The following SLC22A15 variants were observed in gnomAD, a reference collection of about 807,000 sequenced individuals.
SLC22A15 encodes the protein flipt 1.
Under a neutral mutation model 62.7 loss-of-function variants are expected in SLC22A15, and 45 were observed. The ratio of observed to expected loss-of-function variants is 0.72; its 90% CI spans 0.56 to 0.92. The LOEUF (loss-of-function observed/expected upper bound fraction) is 0.92, where lower values mean the gene tolerates loss of function less well. SLC22A15 is among the 40% of genes least tolerant of loss of function. The probability of loss-of-function intolerance (pLI) is 0.00; values close to 1 mark genes in which losing one functional copy is unlikely to be tolerated. For missense variants in SLC22A15, 622 were observed against 665.6 expected (o/e 0.93, Z 0.72); for synonymous variants, 264 against 267.0 (o/e 0.99, Z 0.11).
At chr1:116,045,956 G>T (rs1171961120) in intron 8 of SLC22A15, among the ~76,000 whole-genome samples, 1 of 151,838 alleles carries the variant, frequency 6.6e-6, no homozygotes, top group Non-Finnish European at 1.5e-5. Context: ...AATGCTCATG[G>T]TCAATTAATT....
chr1:115,987,451 C>T (rs1654928373), intron 1 of SLC22A15, among the ~76,000 whole-genome samples: 1 of 151,906 alleles, frequency 6.6e-6, no homozygotes, highest in African/African-American at 2.4e-5. Flanking sequence ...GGCATGAGTC[C>T]AGCCAATGTA....
At chr1:116,034,772 C>A (rs1657571561) in intron 6 of SLC22A15, among the ~76,000 whole-genome samples, 1 of 152,158 alleles carries the variant, frequency 6.6e-6, no homozygotes, top group African/African-American at 2.4e-5. Flanking sequence ...TGGCTTTCTC[C>A]ATGGGAGTTC....
At chr1:116,020,395 T>C (rs1195490781) in intron 3 of SLC22A15, among the ~76,000 whole-genome samples, 1 of 150,772 alleles carries the variant, frequency 6.6e-6, no homozygotes, top group Non-Finnish European at 1.5e-5. Flanking sequence ...TACTAAAAAA[T>C]ACAAAAAAAA....
chr1:115,977,926 G>A (rs1654396422), intron 1 of SLC22A15, among the ~76,000 whole-genome samples: 1 of 152,146 alleles, frequency 6.6e-6, no homozygotes, highest in South Asian at 2.1e-4. Context: ...AAATGATGGA[G>A]TCAGTTCTTT....
At chr1:116,019,123 G>GTT (rs1451993864) in intron 2 of SLC22A15, among the ~76,000 whole-genome samples, 2 of 152,126 alleles carry the variant, frequency 1.3e-5, no homozygotes, top group African/African-American at 4.8e-5. Flanking sequence ...GTAATTCTGT[G>GTT]TTTAATCTTT....
chr1:116,066,329 G>A (rs1658497690), intron 10 of SLC22A15, among the ~76,000 whole-genome samples, 191 bp from the exon 11 acceptor site: 1 of 152,180 alleles, frequency 6.6e-6, no homozygotes, highest in Admixed American at 6.5e-5. Flanking sequence ...ATCTCTACAT[G>A]CCTGAGGAAT....
At chr1:116,055,162 A>T in intron 8 of SLC22A15, among the ~76,000 whole-genome samples, 1 of 150,226 alleles carries the variant, frequency 6.7e-6, no homozygotes, top group Non-Finnish European at 1.5e-5. Flanking sequence ...CGCTAGCAAG[A>T]CTAATAAAGA....
intron 8 of SLC22A15, among the ~76,000 whole-genome samples, chr1:116,039,583 C>A (rs1200409132): frequency 6.6e-6 from 1 of 151,884 alleles, no homozygotes; most frequent in Non-Finnish European, 1.5e-5. Context: ...TTTAATATTT[C>A]TACTATTTAA....
At chr1:116,054,203 G>A (rs1362564113) in intron 8 of SLC22A15, among the ~76,000 whole-genome samples, 18 of 152,046 alleles carry the variant, frequency 1.2e-4, no homozygotes, top group Non-Finnish European at 1.5e-4. Context: ...TAAAAGGATG[G>A]AGGAAGATCT....
At chr1:116,011,543 A>G (rs1035460626) in intron 2 of SLC22A15, among the ~76,000 whole-genome samples, 2 of 152,240 alleles carry the variant, frequency 1.3e-5, no homozygotes, top group African/African-American at 4.8e-5. Context: ...TAAATAATTC[A>G]GCAAATAATT....
chr1:116,012,279 G>T (rs1437799047), intron 2 of SLC22A15, among the ~76,000 whole-genome samples: 1 of 152,112 alleles, frequency 6.6e-6, no homozygotes. Context: ...GTAGAGGCTG[G>T]ATATGTGTCT....
Position 116,066,656 on chromosome 1 carries a change from A to G in SLC22A15, c.1502A>G (p.Tyr501Cys). 2 of 1,612,980 alleles carry G rather than the reference A, an allele frequency of 1.2e-6. No individual in the cohort carries two copies. Among genetic ancestry groups the G allele is most frequent in the Non-Finnish European group, 1.7e-6 (2 of 1,179,600 alleles). The change falls in exon 11 of 12, where the codon TAT (tyrosine) becomes TGT (cysteine). Residue 501 changes from tyrosine (Y) to cysteine (C), a missense_variant. Coordinates refer to ENST00000369503, the MANE Select transcript of SLC22A15 (RefSeq NM_018420.3). ...ETFSDLQVYS[Y>C]RRLGEEALSL... is the part of the protein sequence containing the mutation. ...TTCTCCGACCTTCAGGTGTATTCGTATCGCAGGCTGGGAGAAGAAGCATTA... is the reference window on the plus strand; with the variant it reads ...TTCTCCGACCTTCAGGTGTATTCGTGTCGCAGGCTGGGAGAAGAAGCATTA...
At chr1:115,993,465 G>A (rs1190473110) in intron 2 of SLC22A15, among the ~76,000 whole-genome samples, 3 of 150,960 alleles carry the variant, frequency 2.0e-5, no homozygotes, top group Admixed American at 2.0e-4. Context: ...GTGTCTGTCT[G>A]TCTGTCTGTC....
chr1:116,039,353 T>C (rs1338080832), intron 8 of SLC22A15, among the ~76,000 whole-genome samples: 1 of 152,040 alleles, frequency 6.6e-6, no homozygotes, highest in Middle Eastern at 3.2e-3. Context: ...GCCAACATGG[T>C]GAAACCCCAT....
intron 2 of SLC22A15, among the ~76,000 whole-genome samples, chr1:116,014,703 T>C (rs1656439782): frequency 6.6e-6 from 1 of 152,316 alleles, no homozygotes; most frequent in East Asian, 1.9e-4. Context: ...TAATCTCTAC[T>C]CAACAGCATT....
intron 4 of SLC22A15, among the ~76,000 whole-genome samples, chr1:116,022,452 G>A (rs532155831): frequency 1.3e-5 from 2 of 152,256 alleles, no homozygotes; most frequent in South Asian, 2.1e-4. Flanking sequence ...CTCATGTAGA[G>A]CACCATGAAT....
At chr1:115,997,117 C>G (rs906698088) in intron 2 of SLC22A15, among the ~76,000 whole-genome samples, 1 of 152,108 alleles carries the variant, frequency 6.6e-6, no homozygotes, top group South Asian at 2.1e-4. Context: ...TATAGATACT[C>G]TTTATCAAAT....
intron 2 of SLC22A15, among the ~76,000 whole-genome samples, chr1:116,008,318 G>A (rs115081870): frequency 7.4e-4 from 113 of 152,286 alleles, no homozygotes; most frequent in Non-Finnish European, 1.3e-3. Context: ...CAAGGAGTGG[G>A]TGGATACAAG....
chr1:115,980,765 G>C (rs1490212723), intron 1 of SLC22A15, among the ~76,000 whole-genome samples: 2 of 152,112 alleles, frequency 1.3e-5, no homozygotes, highest in Admixed American at 1.3e-4. Context: ...GTACAAAGGA[G>C]ATTGCATCTG....
Sources: allele counts gnomAD v4.1 joint callset (sites outside exome capture counted in the v4.1 genomes callset), GRCh38; gene constraint gnomAD v4.1.1; transcripts MANE v1.5; gene names NCBI Gene and HGNC (gene_info 2026-07-23, HGNC 2026-07-21).